The following COL22A1 variants were observed in gnomAD, a reference collection of about 807,000 sequenced individuals.
The protein encoded by COL22A1 is collagen alpha-1(XXII) chain.
A neutral mutation model predicts 248.9 loss-of-function variants in COL22A1; 221 were observed. That is an observed-to-expected ratio of 0.89 (90% confidence interval 0.80 to 0.99). COL22A1 has a LOEUF of 0.99. Ranked by LOEUF, COL22A1 falls within the 50% of genes least tolerant of loss-of-function variation. The pLI is 0.00. For missense variants in COL22A1, 2,240 were observed against 2,179.0 expected, an observed-to-expected ratio of 1.03 and a Z score of -0.56; for synonymous variants, 891 against 793.4, an observed-to-expected ratio of 1.12 and a Z score of -2.07.
intron 16 of COL22A1, among the ~76,000 whole-genome samples, chr8:138,763,597 C>A (rs1348579274): frequency 6.6e-6 from 1 of 152,068 alleles, no homozygotes; most frequent in African/African-American, 2.4e-5. Context: ...GCTGCAAGAA[C>A]TCCGTGGGGC....
At chr8:138,659,752 T>C (rs1046126283) in intron 44 of COL22A1, among the ~76,000 whole-genome samples, 1 of 152,146 alleles carries the variant, frequency 6.6e-6, no homozygotes, top group African/African-American at 2.4e-5. Flanking sequence ...GAAGCCTATA[T>C]ATAGGACTCT....
At chr8:138,680,997 G>C (rs778742341) in intron 39 of COL22A1, among the ~76,000 whole-genome samples, 3 of 152,168 alleles carry the variant, frequency 2.0e-5, no homozygotes, top group Non-Finnish European at 2.9e-5. Flanking sequence ...CCCCCGGGGG[G>C]GGTCTCAGCC....
chr8:138,684,531 C>G (rs1826197557), intron 38 of COL22A1, 62 bp from the exon 39 acceptor site: 1 of 1,208,558 alleles, frequency 8.3e-7, no homozygotes, highest in Non-Finnish European at 1.2e-6. Context: ...ACCCATCCAC[C>G]ACGTGCCAGG....
intron 35 of COL22A1, among the ~76,000 whole-genome samples, chr8:138,692,557 T>C (rs1377550285): frequency 1.3e-5 from 2 of 151,588 alleles, no homozygotes; most frequent in Non-Finnish European, 2.9e-5. Context: ...GAACTAGAAC[T>C]TGATGGCCGG....
At chr8:138,839,487 G>A (rs904270794) in intron 4 of COL22A1, among the ~76,000 whole-genome samples, 2 of 152,118 alleles carry the variant, frequency 1.3e-5, no homozygotes, top group African/African-American at 2.4e-5. Context: ...GGGCATGGAG[G>A]GGCAAGACCA....
rs188962225 is a variant in COL22A1 at position 138,803,126 on chromosome 8, C to T, written c.1495-192G>A. Among the ~76,000 whole-genome samples, 49 of 152,332 alleles carry T rather than the reference C, an allele frequency of 3.2e-4. 1 individual carries two copies. In the East Asian group the frequency reaches 8.9e-3, roughly 28 times the overall value. On this transcript the variant is annotated intron_variant, in intron 10 of 64. Transcript: ENST00000303045. ...GCATCTAAGTCATCTCCCAACATCACAATTCCAGGAACCACGGACTTCTTG... is the reference window on the plus strand; with the variant it reads ...GCATCTAAGTCATCTCCCAACATCATAATTCCAGGAACCACGGACTTCTTG...
chr8:138,591,556 C>T, intron 63 of COL22A1, 55 bp from the exon 64 acceptor site: 1 of 1,384,900 alleles, frequency 7.2e-7, no homozygotes, highest in Non-Finnish European at 9.7e-7. Flanking sequence ...AGGACAGAAA[C>T]TGGGCGTCCC....
intron 3 of COL22A1, among the ~76,000 whole-genome samples, chr8:138,870,168 T>C (rs1311427273): frequency 1.3e-5 from 2 of 151,470 alleles, no homozygotes; most frequent in African/African-American, 4.9e-5. Context: ...TGTGTGGGTG[T>C]GGAGGGTTGC....
intron 45 of COL22A1, 24 bp downstream of exon 45, chr8:138,655,873 T>C (rs1564151237): frequency 6.3e-7 from 1 of 1,590,698 alleles, no homozygotes; most frequent in Non-Finnish European, 8.6e-7. Flanking sequence ...TCAAAACACA[T>C]GCGCATTTAT....
At position 138,684,459 on chromosome 8, in the gene COL22A1, C is replaced by T. The variant is rs1397519330; in HGVS notation, c.2978G>A (p.Gly993Glu). ...TAGGGGTCCAGGGAGTCCAGGTGAT[C>T]CACGGAGTCCCTGGAGAAATAAATA... Reference protein sequence around the residue: ...KGKDGEPGLRGSPGLPGPLGT... With the variant: ...KGKDGEPGLRESPGLPGPLGT... The change falls in exon 39 of 65, where the codon GGA becomes GAA. Residue 993 changes from glycine (G) to glutamate (E), a missense_variant. Coordinates refer to ENST00000303045, the MANE Select transcript of COL22A1 (RefSeq NM_152888.3). 6.2e-7 allele frequency: 1 copy of T among 1,610,476 alleles called. No homozygotes were observed. The highest frequency in any genetic ancestry group is 1.7e-5 in the Admixed American group (1 of 60,002).
At chr8:138,762,255 C>T (rs1276979602) in intron 17 of COL22A1, among the ~76,000 whole-genome samples, 158 bp downstream of exon 17, 1 of 152,190 alleles carries the variant, frequency 6.6e-6, no homozygotes, top group African/African-American at 2.4e-5. Context: ...AACCTACAGC[C>T]ACACAGCCGG....
intron 42 of COL22A1, 71 bp from the exon 43 acceptor site, chr8:138,662,154 AAT>A: frequency 7.6e-7 from 1 of 1,313,152 alleles, no homozygotes; most frequent in Non-Finnish European, 1.1e-6. Context: ...CCTCCTTGGC[AAT>A]AGTTGGCTCT....
Position 138,878,171 on chromosome 8 carries a change from G to C in COL22A1, c.237C>G (p.Val79=), listed in dbSNP as rs752433406. 4.4e-6 allele frequency: 7 copies of C among 1,604,534 alleles called. No homozygotes were observed. The highest frequency in any genetic ancestry group is 6.0e-6 in the Non-Finnish European group (7 of 1,176,348). Residue 79 remains valine (V), a synonymous_variant, in exon 3 of 65, where the codon GTC becomes GTG. Coordinates refer to ENST00000303045, the MANE Select transcript of COL22A1 (RefSeq NM_152888.3). ...TGGTGGGCCGGTCGCTGTAGCGCAC[G>C]ACCCCCACACGGGTGCGGTCGGGGC... ...EVGPDRTRVG[V]VRYSDRPTTA...
chr8:138,863,841 T>A (rs11166851), intron 3 of COL22A1, among the ~76,000 whole-genome samples: 2 of 152,110 alleles, frequency 1.3e-5, no homozygotes, highest in Non-Finnish European at 2.9e-5. Context: ...AATGTGTCTA[T>A]GCAGGAGATT....
intron 44 of COL22A1, among the ~76,000 whole-genome samples, chr8:138,659,975 T>A (rs575725028): frequency 1.3e-5 from 2 of 152,356 alleles, no homozygotes; most frequent in South Asian, 2.1e-4. Flanking sequence ...CTGTTGCTCA[T>A]TTGCTCACCC....
intron 3 of COL22A1, among the ~76,000 whole-genome samples, chr8:138,874,561 A>G (rs2132026381): frequency 6.6e-6 from 1 of 152,250 alleles, no homozygotes; most frequent in Middle Eastern, 3.4e-3. Context: ...ACCGAGTGCC[A>G]GGCCTGCTGG....
chr8:138,763,735 C>T (rs1833699554), intron 16 of COL22A1, among the ~76,000 whole-genome samples: 1 of 152,184 alleles, frequency 6.6e-6, no homozygotes, highest in Non-Finnish European at 1.5e-5. Flanking sequence ...TCCCTGCCTC[C>T]TATTCCCTCC....
intron 6 of COL22A1, among the ~76,000 whole-genome samples, 161 bp from the exon 7 acceptor site, chr8:138,821,572 G>A (rs551561955): frequency 1.2e-3 from 189 of 152,256 alleles, no homozygotes; most frequent in African/African-American, 4.1e-3. Flanking sequence ...GACAAATTCC[G>A]TCACACCTCT....
chr8:138,607,053 C>A (rs1363386596), intron 57 of COL22A1, among the ~76,000 whole-genome samples: 5 of 152,144 alleles, frequency 3.3e-5, no homozygotes, highest in Non-Finnish European at 7.3e-5. Flanking sequence ...TTTTGCATAG[C>A]TGTCCCTAGT....
Sources: allele counts gnomAD v4.1 joint callset (sites outside exome capture counted in the v4.1 genomes callset), GRCh38; gene constraint gnomAD v4.1.1; transcripts MANE v1.5; gene names NCBI Gene and HGNC (gene_info 2026-07-23, HGNC 2026-07-21).